KCNH7: variants seen among roughly 807,000 people sequenced by gnomAD.
KCNH7 encodes potassium voltage-gated channel subfamily H member 7.
In KCNH7, 49 loss-of-function variants were observed where a neutral mutation model predicts 120.8. The ratio of observed to expected loss-of-function variants is 0.41; its 90% CI spans 0.32 to 0.51. The LOEUF (loss-of-function observed/expected upper bound fraction) is 0.51, where lower values mean the gene tolerates loss of function less well. Ranked by LOEUF, KCNH7 falls within the 20% of genes least tolerant of loss-of-function variation. The pLI, the probability that KCNH7 is intolerant of heterozygous loss-of-function variation, is 0.38. For synonymous variants in KCNH7, 547 were observed against 516.1 expected (o/e 1.06, Z -0.81); for missense variants, 1,097 against 1,446.6 (o/e 0.76, Z 3.92).
chr2:162,407,530 A>G lies in KCNH7; in HGVS notation c.2155-7089T>C, dbSNP rs116368451. 5.0e-3 allele frequency among the ~76,000 whole-genome samples: 765 copies of G among 152,126 alleles called. 8 individuals are homozygous for G. Among genetic ancestry groups the G allele is most frequent in the African/African-American group, 0.017 (725 of 41,550 alleles). Reference sequence around the variant, plus strand: ...TTTCATACACATGTCCTTGTTACCCAGGCTCTGGAGTCCTTGTGTTAATTC... The same window carrying G: ...TTTCATACACATGTCCTTGTTACCCGGGCTCTGGAGTCCTTGTGTTAATTC... On this transcript the variant is annotated intron_variant, in intron 9 of 15. Coordinates refer to ENST00000332142, the MANE Select transcript of KCNH7 (RefSeq NM_033272.4).
intron 2 of KCNH7, among the ~76,000 whole-genome samples, chr2:162,717,482 C>T (rs73014119): frequency 0.037 from 5,674 of 152,216 alleles, 342 homozygotes; most frequent in African/African-American, 0.13. Context: ...CACTGCTCTT[C>T]AGCCTCAATT....
intron 12 of KCNH7, among the ~76,000 whole-genome samples, chr2:162,390,703 A>G (rs1400083818): frequency 6.6e-6 from 1 of 152,022 alleles, no homozygotes; most frequent in East Asian, 1.9e-4. Context: ...GGAAGAAAAG[A>G]TAACTACTTG....
At chr2:162,444,980 G>A (rs943735051) in intron 7 of KCNH7, among the ~76,000 whole-genome samples, 34 of 152,160 alleles carry the variant, frequency 2.2e-4, no homozygotes, top group East Asian at 5.8e-4. Context: ...GATGAGGAAA[G>A]TCAGGTTGGG....
At chr2:162,781,287 T>G (rs1683475557) in intron 2 of KCNH7, among the ~76,000 whole-genome samples, 1 of 152,074 alleles carries the variant, frequency 6.6e-6, no homozygotes, top group Non-Finnish European at 1.5e-5. Flanking sequence ...ATTATTAATT[T>G]TTTTTTTAGT....
chr2:162,756,626 G>C (rs1019606641), intron 2 of KCNH7, among the ~76,000 whole-genome samples: 2 of 151,974 alleles, frequency 1.3e-5, no homozygotes, highest in Non-Finnish European at 2.9e-5. Context: ...CACCATGCCT[G>C]GTTAATTTTT....
chr2:162,591,550 C>T (rs1480446101), intron 2 of KCNH7, among the ~76,000 whole-genome samples: 2 of 151,952 alleles, frequency 1.3e-5, no homozygotes, highest in Non-Finnish European at 2.9e-5. Context: ...TAGCAAGTAC[C>T]TTCATAGTGG....
chr2:162,638,311 T>C (rs1156759442), intron 2 of KCNH7, among the ~76,000 whole-genome samples: 1 of 152,124 alleles, frequency 6.6e-6, no homozygotes, highest in East Asian at 1.9e-4. Context: ...AGTTGCATTT[T>C]TTATACTGAT....
intron 2 of KCNH7, among the ~76,000 whole-genome samples, chr2:162,548,393 T>C (rs898503448): frequency 6.6e-6 from 1 of 152,192 alleles, no homozygotes; most frequent in Admixed American, 6.5e-5. Context: ...CCAAAGGTGG[T>C]TGCAGGAGGG....
intron 2 of KCNH7, among the ~76,000 whole-genome samples, chr2:162,685,633 A>G (rs1359495662): frequency 6.6e-6 from 1 of 152,000 alleles, no homozygotes; most frequent in African/African-American, 2.4e-5. Context: ...ACTGAAGCAA[A>G]GGAACACACA....
Position 162,373,665 on chromosome 2 carries a change from A to G in KCNH7, c.3132-3T>C, listed in dbSNP as rs771630215. ...CAGTGGTCATTTGGGATTCAAGCCTACAGAACAGACAGAAGTAGGAAAAGA... is the reference window on the plus strand; with the variant it reads ...CAGTGGTCATTTGGGATTCAAGCCTGCAGAACAGACAGAAGTAGGAAAAGA... On this transcript the variant is annotated splice_region_variant and splice_polypyrimidine_tract_variant and intron_variant, in intron 14 of 15. Transcript: ENST00000332142. The G allele has an allele frequency of 1.4e-6, 2 of 1,463,070 alleles. No individual in the cohort carries two copies. Among genetic ancestry groups the G allele is most frequent in the African/African-American group, 1.4e-5 (1 of 69,120 alleles). The allele number at this position is 1,463,070 out of a possible 1,614,324, so 90.6% of individuals were successfully genotyped here. A position where few individuals can be genotyped will look rare whatever the true frequency, so the allele number is the denominator to read the frequency against.
chr2:162,490,313 A>G (rs894151388), intron 6 of KCNH7, among the ~76,000 whole-genome samples: 1 of 152,268 alleles, frequency 6.6e-6, no homozygotes, highest in East Asian at 1.9e-4. Context: ...TTAGATATAT[A>G]GAAGCCCTTG....
intron 2 of KCNH7, among the ~76,000 whole-genome samples, chr2:162,774,845 T>A (rs919993781): frequency 1.6e-4 from 25 of 152,298 alleles, no homozygotes; most frequent in Admixed American, 1.3e-3. Flanking sequence ...CCTGGAATAA[T>A]TTTATAGGCA....
At chr2:162,398,351 CA>C (rs1189270491) in intron 10 of KCNH7, among the ~76,000 whole-genome samples, 2 of 151,792 alleles carry the variant, frequency 1.3e-5, no homozygotes, top group Non-Finnish European at 2.9e-5. Flanking sequence ...AGTGAGAAAT[CA>C]AACACTGTAT....
At chr2:162,577,708 G>C (rs1345768144) in intron 2 of KCNH7, among the ~76,000 whole-genome samples, 1 of 151,860 alleles carries the variant, frequency 6.6e-6, no homozygotes, top group African/African-American at 2.4e-5. Context: ...AGATTCAAGG[G>C]AGAGTACTTC....
intron 2 of KCNH7, among the ~76,000 whole-genome samples, chr2:162,690,177 G>C (rs776352425): frequency 6.6e-6 from 1 of 152,112 alleles, no homozygotes; most frequent in Non-Finnish European, 1.5e-5. Flanking sequence ...GGAGCTAAAT[G>C]ATGAGGATAC....
intron 2 of KCNH7, among the ~76,000 whole-genome samples, chr2:162,596,584 C>T (rs1031181914): frequency 2.0e-5 from 3 of 152,002 alleles, no homozygotes; most frequent in African/African-American, 4.8e-5. Flanking sequence ...AAGTGTAAGG[C>T]CAGAAGCTAT....
chr2:162,709,748 A>C (rs1686851869), intron 2 of KCNH7, among the ~76,000 whole-genome samples: 1 of 152,258 alleles, frequency 6.6e-6, no homozygotes. Context: ...CTTGTTAGCC[A>C]TCATTGCCTC....
At chr2:162,599,415 G>A (rs572201723) in intron 2 of KCNH7, among the ~76,000 whole-genome samples, 1 of 151,988 alleles carries the variant, frequency 6.6e-6, no homozygotes, top group South Asian at 2.1e-4. Context: ...TTTCCTCTAT[G>A]AAATAATGTT....
chr2:162,443,594 C>A (rs1183954338), intron 7 of KCNH7, among the ~76,000 whole-genome samples: 1 of 152,140 alleles, frequency 6.6e-6, no homozygotes, highest in African/African-American at 2.4e-5. Flanking sequence ...AAAATATATC[C>A]CAAATTTCTT....
Sources: gnomAD v4.1 joint callset for allele counts (sites outside exome capture counted in the v4.1 genomes callset) on GRCh38, gnomAD v4.1.1 for gene constraint, MANE v1.5 for transcripts, NCBI Gene and HGNC (gene_info 2026-07-23, HGNC 2026-07-21) for gene names.